MLLT3: variants seen among roughly 807,000 people sequenced by gnomAD.
MLLT3 encodes the protein protein AF-9.
Under a neutral mutation model 53.2 loss-of-function variants are expected in MLLT3, and 4 were observed. The ratio of observed to expected loss-of-function variants is 0.08; its 90% CI spans 0.04 to 0.17. The LOEUF (loss-of-function observed/expected upper bound fraction) is 0.17. Ranked by LOEUF, MLLT3 falls within the 10% of genes least tolerant of loss-of-function variation. The probability of loss-of-function intolerance (pLI) is 1.00; values close to 1 mark genes in which losing one functional copy is unlikely to be tolerated. For synonymous variants in MLLT3, 283 were observed against 230.6 expected (o/e 1.23, Z -2.06); for missense variants, 569 against 684.0 (o/e 0.83, Z 1.87).
intron 5 of MLLT3, among the ~76,000 whole-genome samples, chr9:20,393,729 T>C (rs991247183): frequency 1.3e-5 from 2 of 152,220 alleles, no homozygotes; most frequent in Non-Finnish European, 2.9e-5. Flanking sequence ...AAAGTCATTA[T>C]TGGATTTTTT....
At chr9:20,378,438 A>C (rs891920524) in intron 5 of MLLT3, among the ~76,000 whole-genome samples, 2 of 152,084 alleles carry the variant, frequency 1.3e-5, no homozygotes, top group Non-Finnish European at 2.9e-5. Flanking sequence ...TATAACAATC[A>C]AACTCAGAGC....
intron 4 of MLLT3, among the ~76,000 whole-genome samples, chr9:20,435,921 G>T (rs760336914): frequency 6.6e-6 from 1 of 152,016 alleles, no homozygotes; most frequent in Non-Finnish European, 1.5e-5. Context: ...CGCATGGCGG[G>T]GTAGTGGAAT....
chr9:20,513,632 G>A (rs149049601), intron 2 of MLLT3, among the ~76,000 whole-genome samples: 5 of 152,264 alleles, frequency 3.3e-5, no homozygotes, highest in East Asian at 1.9e-4. Flanking sequence ...CTACCGTGGC[G>A]TATCTGCAGC....
At chr9:20,612,760 T>C (rs979309156) in intron 2 of MLLT3, among the ~76,000 whole-genome samples, 6 of 152,034 alleles carry the variant, frequency 3.9e-5, no homozygotes, top group African/African-American at 1.4e-4. Context: ...ATACCAAATT[T>C]CAACTCTGAA....
intron 2 of MLLT3, among the ~76,000 whole-genome samples, chr9:20,602,671 G>A (rs1277441936): frequency 6.6e-6 from 1 of 151,844 alleles, no homozygotes; most frequent in Non-Finnish European, 1.5e-5. Flanking sequence ...GAGACACTTA[G>A]AATTTGGCAT....
rs534502478 is a variant in MLLT3, at chr9:20,564,896, T to A, written c.193+55758A>T. The stretch of plus-strand genomic sequence containing the variant: ...GCCATCCATTCTTCCACAAGGCAAA[T>A]GTTTTGTAGTCAGGGGAGAAATACC... On this transcript the variant is annotated intron_variant, in intron 2 of 10. Coordinates refer to ENST00000380338, the MANE Select transcript of MLLT3 (RefSeq NM_004529.4). Among the ~76,000 whole-genome samples, 9 of 152,212 alleles carry A rather than the reference T, an allele frequency of 5.9e-5. No individual in the cohort carries two copies. In the East Asian group the frequency reaches 1.7e-3, roughly 29 times the overall value.
intron 5 of MLLT3, among the ~76,000 whole-genome samples, chr9:20,384,257 A>T (rs1056376193): frequency 1.3e-5 from 2 of 152,060 alleles, no homozygotes; most frequent in African/African-American, 4.8e-5. Flanking sequence ...ATAAAATATT[A>T]CAAAGGAATA....
At chr9:20,368,234 C>G (rs907490125) in intron 5 of MLLT3, among the ~76,000 whole-genome samples, 1 of 152,202 alleles carries the variant, frequency 6.6e-6, no homozygotes, top group Non-Finnish European at 1.5e-5. Flanking sequence ...AGTTACACAA[C>G]TGAAAGAGCA....
intron 2 of MLLT3, among the ~76,000 whole-genome samples, chr9:20,590,344 T>A (rs1270662237): frequency 6.6e-6 from 1 of 152,204 alleles, no homozygotes; most frequent in African/African-American, 2.4e-5. Flanking sequence ...ATGGGTTGCA[T>A]GTGTCCCCTA....
chr9:20,491,971 T>TA (rs971186179), intron 2 of MLLT3, among the ~76,000 whole-genome samples: 9 of 152,086 alleles, frequency 5.9e-5, no homozygotes, highest in Admixed American at 5.2e-4. Flanking sequence ...TGTATGTTAT[T>TA]AAATGAACAC....
At chr9:20,369,072 G>C (rs951046193) in intron 5 of MLLT3, among the ~76,000 whole-genome samples, 9 of 152,196 alleles carry the variant, frequency 5.9e-5, no homozygotes, top group Admixed American at 5.2e-4. Context: ...AGGGACATGG[G>C]TGAGTGGGAC....
At position 20,479,574 on chromosome 9, in the gene MLLT3, T is replaced by C. The variant is rs544873611; in HGVS notation, c.194-22788A>G. On this transcript the variant is annotated intron_variant, in intron 2 of 10. Transcript: ENST00000380338. ...AGTAAGGCCTAGAGAAGTTGGGTAC[T>C]ATGGTTTCTAGTTCCAGCCTGCCAC... Among the ~76,000 whole-genome samples the C allele has an allele frequency of 1.6e-4, 24 of 152,304 alleles. No homozygotes were observed. The East Asian group carries it at 4.6e-3, about 29-fold the overall frequency.
intron 2 of MLLT3, among the ~76,000 whole-genome samples, chr9:20,546,550 A>G (rs1391807587): frequency 6.6e-6 from 1 of 151,964 alleles, no homozygotes; most frequent in Non-Finnish European, 1.5e-5. Flanking sequence ...TCACTTAAAA[A>G]AAAAAAAAAA....
intron 2 of MLLT3, among the ~76,000 whole-genome samples, chr9:20,513,646 C>T (rs978330435): frequency 6.6e-6 from 1 of 152,136 alleles, no homozygotes; most frequent in African/African-American, 2.4e-5. Context: ...CTGCAGCAGT[C>T]CATGCAGGGT....
intron 4 of MLLT3, among the ~76,000 whole-genome samples, chr9:20,428,116 G>A (rs1282490886): frequency 6.6e-6 from 1 of 151,926 alleles, no homozygotes; most frequent in East Asian, 1.9e-4. Context: ...AAAGATAGTT[G>A]CTAAACATCA....
chr9:20,563,351 A>G (rs370563736), intron 2 of MLLT3, among the ~76,000 whole-genome samples: 1 of 152,124 alleles, frequency 6.6e-6, no homozygotes, highest in African/African-American at 2.4e-5. Context: ...CCTTTTATTC[A>G]CTATCTAATC....
At position 20,449,671 on chromosome 9, in the gene MLLT3, T is replaced by C. The variant is rs148058035; in HGVS notation, c.277-1405A>G. Among the ~76,000 whole-genome samples the C allele has an allele frequency of 1.5e-3, 227 of 152,280 alleles. 2 individuals carry two copies. Among genetic ancestry groups the C allele is most frequent in the African/African-American group, 4.6e-3 (191 of 41,560 alleles). On this transcript the variant is annotated intron_variant, in intron 3 of 10. Transcript: ENST00000380338. Reference sequence around the variant, plus strand: ...ATAGGAATTAACTACTCAAAATTCATGGTTTCCACCTCCTCACCAAACTTC... The same window carrying C: ...ATAGGAATTAACTACTCAAAATTCACGGTTTCCACCTCCTCACCAAACTTC...
At chr9:20,430,520 T>TA (rs1823239514) in intron 4 of MLLT3, among the ~76,000 whole-genome samples, 1 of 152,116 alleles carries the variant, frequency 6.6e-6, no homozygotes, top group Non-Finnish European at 1.5e-5. Context: ...GATAAAAGCA[T>TA]AGACAACGCA....
rs549349793 is a variant in MLLT3 at position 20,371,283 on chromosome 9, A to G, written c.1126-5539T>C. Among the ~76,000 whole-genome samples the G allele has an allele frequency of 2.0e-5, 3 of 152,360 alleles. No homozygotes were observed. In the South Asian group the frequency reaches 6.2e-4, roughly 32 times the overall value. On this transcript the variant is annotated intron_variant, in intron 5 of 10. Transcript: ENST00000380338. ...AAGTTATCCAGAAGATCTAGCTAAC[A>G]ACATTGATGAAGGTGGCTACACTAC...
Sources: gnomAD v4.1 joint callset for allele counts (sites outside exome capture counted in the v4.1 genomes callset) on GRCh38, gnomAD v4.1.1 for gene constraint, MANE v1.5 for transcripts, NCBI Gene and HGNC (gene_info 2026-07-23, HGNC 2026-07-21) for gene names.